Variants in PTPN20 observed in about 807,000 individuals in gnomAD.
The protein encoded by PTPN20 is tyrosine-protein phosphatase non-receptor type 20.
Under a neutral mutation model 35.0 loss-of-function variants are expected in PTPN20, and 9 were observed. The ratio of observed to expected loss-of-function variants is 0.26; its 90% CI spans 0.15 to 0.45. The LOEUF is 0.45. Ranked by LOEUF, PTPN20 falls within the 20% of genes least tolerant of loss-of-function variation. The pLI is 1.00. For missense variants in PTPN20, 111 were observed against 312.5 expected, an observed-to-expected ratio of 0.36 and a Z score of 4.86; for synonymous variants, 32 against 100.2, an observed-to-expected ratio of 0.32 and a Z score of 4.06.
chr10:46,931,589 A>G lies in PTPN20; in HGVS notation c.-123-788A>G, dbSNP rs559735879. Among the ~76,000 whole-genome samples, 184 of 143,052 alleles carry G rather than the reference A, an allele frequency of 1.3e-3. 37 individuals are homozygous for G. Among genetic ancestry groups the G allele is most frequent in the African/African-American group, 5.1e-3 (175 of 34,358 alleles). The allele number at this position is 143,052 out of a possible 152,430, so 93.8% of individuals were successfully genotyped here. A position where few individuals can be genotyped will look rare whatever the true frequency, so the allele number is the denominator to read the frequency against. ...TTTTGTAGAGACAGGATTTCACCCAATTGCCCCAGCTGGTCTCAAACTCCT... is the reference window on the plus strand; with the variant it reads ...TTTTGTAGAGACAGGATTTCACCCAGTTGCCCCAGCTGGTCTCAAACTCCT... On this transcript the variant is annotated intron_variant, in intron 1 of 10. Transcript: ENST00000374339.
chr10:46,945,051 AAGG>A (rs1403088023), intron 4 of PTPN20, among the ~76,000 whole-genome samples: 1 of 140,996 alleles, frequency 7.1e-6, no homozygotes, highest in African/African-American at 3.1e-5. Flanking sequence ...GAGCGAGGGT[AAGG>A]AGTTGTGAAA....
In PTPN20 at chr10:46,915,791, A is replaced by G. The variant is rs1354104559; in HGVS notation, c.-124+4290A>G. Among the ~76,000 whole-genome samples the G allele has an allele frequency of 1.6e-4, 8 of 50,094 alleles. 2 individuals are homozygous for G. Among genetic ancestry groups the G allele is most frequent in the African/African-American group, 1.1e-3 (8 of 7,384 alleles). The allele number at this position is 50,094 out of a possible 152,430, so 32.9% of individuals were successfully genotyped here. A position where few individuals can be genotyped will look rare whatever the true frequency, so the allele number is the denominator to read the frequency against. Reference sequence around the variant, plus strand: ...GAGGTGGGGGTTGTAGTGAGCCAAGATGGCACCACTGCACTCCAGCGTGGC... The same window carrying G: ...GAGGTGGGGGTTGTAGTGAGCCAAGGTGGCACCACTGCACTCCAGCGTGGC... On this transcript the variant is annotated intron_variant, in intron 1 of 10. Transcript: ENST00000374339.
intron 1 of PTPN20, among the ~76,000 whole-genome samples, chr10:46,932,109 C>A (rs184543817): frequency 1.4e-5 from 2 of 147,380 alleles, no homozygotes; most frequent in East Asian, 3.9e-4. Context: ...TAAAGAGATA[C>A]GTCATTGGAG....
intron 5 of PTPN20, among the ~76,000 whole-genome samples, chr10:46,948,695 T>C (rs2045751363): frequency 6.6e-6 from 1 of 152,060 alleles, no homozygotes; most frequent in Non-Finnish European, 1.5e-5. Flanking sequence ...GCCTGTGCTT[T>C]AGAAGGGCTT....
At chr10:46,999,239 T>C (rs1277748114) in intron 9 of PTPN20, among the ~76,000 whole-genome samples, 3 of 152,226 alleles carry the variant, frequency 2.0e-5, no homozygotes, top group Non-Finnish European at 4.4e-5. Context: ...GTGTCCACAA[T>C]GTCTTGCTGA....
chr10:46,947,909 C>G (rs1555142753), intron 5 of PTPN20: 2 of 447,206 alleles, frequency 4.5e-6, no homozygotes, highest in South Asian at 1.6e-5. Flanking sequence ...AAAAGTACTA[C>G]AGATATTCAC....
At chr10:46,953,533 T>A (rs1289201847) in intron 5 of PTPN20, among the ~76,000 whole-genome samples, 4 of 140,804 alleles carry the variant, frequency 2.8e-5, no homozygotes, top group African/African-American at 9.1e-5. Flanking sequence ...TAAAGTATAA[T>A]GTTCGCTGTA....
chr10:46,999,228 T>C (rs894869083), intron 9 of PTPN20, among the ~76,000 whole-genome samples: 90 of 152,358 alleles, frequency 5.9e-4, no homozygotes, highest in African/African-American at 1.9e-3. Context: ...AACATTTACA[T>C]GTGTCCACAA....
At chr10:46,938,334 C>T (rs1295902381) in intron 2 of PTPN20, among the ~76,000 whole-genome samples, 47 of 107,570 alleles carry the variant, frequency 4.4e-4, no homozygotes, top group African/African-American at 1.8e-3. Flanking sequence ...GAGGCTTGCT[C>T]TTCACCTTTT....
At chr10:46,940,991 G>C (rs1169173701) in intron 3 of PTPN20, among the ~76,000 whole-genome samples, 2 of 151,796 alleles carry the variant, frequency 1.3e-5, no homozygotes, top group South Asian at 4.2e-4. Flanking sequence ...GTCACATGAA[G>C]TATGAAGCAC....
Position 46,995,416 on chromosome 10 carries a change from C to T in PTPN20, c.1135-4496C>T, listed in dbSNP as rs928397794. ...GATGTCACCTTACGACCAAGTTTGC[C>T]TTGGCTCCAGTAAACAATAAGAGAG... On this transcript the variant is annotated intron_variant, in intron 9 of 10. Transcript: ENST00000374339. Among the ~76,000 whole-genome samples the T allele has an allele frequency of 2.7e-3, 387 of 145,868 alleles. 1 individual carries two copies. Among genetic ancestry groups the T allele is most frequent in the African/African-American group, 9.7e-3 (377 of 38,992 alleles).
At chr10:46,932,042 T>C (rs1323169125) in intron 1 of PTPN20, among the ~76,000 whole-genome samples, 7 of 145,758 alleles carry the variant, frequency 4.8e-5, no homozygotes, top group Non-Finnish European at 8.8e-5. Context: ...TGAGTTTCCA[T>C]TGAGTGACAT....
chr10:46,950,766 A>G (rs2046395249), intron 5 of PTPN20, among the ~76,000 whole-genome samples: 2 of 152,072 alleles, frequency 1.3e-5, no homozygotes, highest in African/African-American at 4.8e-5. Flanking sequence ...GGCAACCAAT[A>G]TAATAGTTTA....
At chr10:46,979,219 A>T (rs2054600661) in intron 7 of PTPN20, among the ~76,000 whole-genome samples, 2 of 130,004 alleles carry the variant, frequency 1.5e-5, no homozygotes, top group Non-Finnish European at 3.2e-5. Context: ...CTGAACTGAC[A>T]CCAATTCCAG....
At chr10:46,999,108 A>C (rs903808754) in intron 9 of PTPN20, among the ~76,000 whole-genome samples, 3 of 152,146 alleles carry the variant, frequency 2.0e-5, no homozygotes, top group Admixed American at 1.3e-4. Flanking sequence ...AAAAACTAAA[A>C]GTTTTTTCAA....
chr10:46,937,965 T>C lies in PTPN20; in HGVS notation c.35-2658T>C, dbSNP rs2042260074. Among the ~76,000 whole-genome samples the C allele has an allele frequency of 2.8e-5, 4 of 141,382 alleles. No individual in the cohort carries two copies. The South Asian group carries it at 9.2e-4, about 33-fold the overall frequency. The allele number at this position is 141,382 out of a possible 152,430, so 92.8% of individuals were successfully genotyped here. On this transcript the variant is annotated intron_variant, in intron 2 of 10. Transcript: ENST00000374339. ...TTTTTCTTTTCTTTTTTTTTTTTTT[T>C]CTTAGACAGAGTCTCACTCTGTCTC...
chr10:46,927,429 AGAAT>A, intron 1 of PTPN20, among the ~76,000 whole-genome samples: 1 of 152,048 alleles, frequency 6.6e-6, no homozygotes, highest in Non-Finnish European at 1.5e-5. Context: ...GAGTCTACAC[AGAAT>A]GAGCTTGCTG....
Position 47,000,599 on chromosome 10 carries a change from A to G in PTPN20, c.1198-77A>G. ...GAACTTTCCAGTGTGGCTGAAAATT[A>G]CAAATGTGTTTTCTGAAAGTGGATT... On this transcript the variant is annotated intron_variant, in intron 10 of 10. Coordinates refer to ENST00000374339, the MANE Select transcript of PTPN20 (RefSeq NM_001042357.5). 3.2e-6 allele frequency: 5 copies of G among 1,565,776 alleles called. No individual in the cohort carries two copies. The South Asian group carries it at 3.4e-5, about 11-fold the overall frequency.
In PTPN20 at chr10:47,000,884, C is replaced by A; in HGVS notation, c.*143C>A. The A allele has an allele frequency of 9.8e-7, 1 of 1,021,426 alleles. No individual in the cohort carries two copies. Among genetic ancestry groups the A allele is most frequent in the Non-Finnish European group, 1.5e-6 (1 of 653,830 alleles). 63.3% of individuals were successfully genotyped at this position (1,021,426 alleles called of 1,614,324 possible). ...TATCAGTTTATTTTCTTTCTAAAAG[C>A]TCCCTGAAGGGCAATATCATTTGGC... is the stretch of plus-strand genomic sequence containing the variant. On this transcript the variant is annotated 3_prime_UTR_variant, in exon 11 of 11. Transcript: ENST00000374339.
Sources: gnomAD v4.1 joint callset for allele counts (sites outside exome capture counted in the v4.1 genomes callset) on GRCh38, gnomAD v4.1.1 for gene constraint, MANE v1.5 for transcripts, NCBI Gene and HGNC (gene_info 2026-07-23, HGNC 2026-07-21) for gene names.